PARVB: variants seen among roughly 807,000 people sequenced by gnomAD.
PARVB encodes parvin beta, also known as beta-parvin.
In PARVB, 46 loss-of-function variants were observed where a neutral mutation model predicts 47.0. The observed-to-expected ratio is 0.98, with a 90% CI of 0.77 to 1.25. PARVB has a LOEUF of 1.25. Among genes scored for constraint, PARVB ranks in the 50% most tolerant of loss-of-function variants. The pLI is 0.00. For missense variants in PARVB, 473 were observed against 471.6 expected, an observed-to-expected ratio of 1.00 and a Z score of -0.03; for synonymous variants, 196 against 196.3, an observed-to-expected ratio of 1.00 and a Z score of 0.01.
chr22:44,059,430 T>C (rs1211205814), intron 1 of PARVB, among the ~76,000 whole-genome samples: 1 of 152,214 alleles, frequency 6.6e-6, no homozygotes, highest in African/African-American at 2.4e-5. Flanking sequence ...TAAAACACCG[T>C]GAGGCTTGTG....
chr22:44,158,155 C>T (rs971395199), intron 11 of PARVB, 72 bp downstream of exon 11: 17 of 1,009,248 alleles, frequency 1.7e-5, no homozygotes, highest in South Asian at 1.5e-4. Flanking sequence ...TAGACTATCC[C>T]GGCAGCTCTT....
intron 1 of PARVB, among the ~76,000 whole-genome samples, chr22:44,039,431 C>G (rs1003215474): frequency 3.3e-5 from 5 of 151,922 alleles, no homozygotes; most frequent in Non-Finnish European, 5.9e-5. Flanking sequence ...ATCCCAGCTA[C>G]TTGGGAGGCT....
At chr22:44,063,466 A>G (rs1024214743) in intron 1 of PARVB, among the ~76,000 whole-genome samples, 2 of 152,090 alleles carry the variant, frequency 1.3e-5, no homozygotes, top group Non-Finnish European at 2.9e-5. Flanking sequence ...ACCTCAGGTG[A>G]TCCACCTGTC....
chr22:44,021,328 A>C (rs2050645641), upstream of PARVB, among the ~76,000 whole-genome samples: 1 of 152,164 alleles, frequency 6.6e-6, no homozygotes, highest in African/African-American at 2.4e-5. Flanking sequence ...GGCCAGCTCC[A>C]AGATGGAAAG....
intron 1 of PARVB, among the ~76,000 whole-genome samples, chr22:44,067,980 G>A (rs550222239): frequency 6.6e-6 from 1 of 152,162 alleles, no homozygotes; most frequent in African/African-American, 2.4e-5. Context: ...ATGGGAGAGG[G>A]GCACTAGTGC....
intron 3 of PARVB, among the ~76,000 whole-genome samples, chr22:44,116,933 C>A (rs2052919520): frequency 6.6e-6 from 1 of 151,978 alleles, no homozygotes; most frequent in Non-Finnish European, 1.5e-5. Flanking sequence ...GTGGCTGTGG[C>A]CCAGGGGCAA....
chr22:44,081,401 A>G (rs1231758465), intron 1 of PARVB, among the ~76,000 whole-genome samples: 3 of 152,212 alleles, frequency 2.0e-5, no homozygotes, highest in African/African-American at 4.8e-5. Context: ...GGCCTTTCCC[A>G]CATCCCCGTT....
chr22:44,018,611 T>C (rs1051232504), intron 2 of PARVB, among the ~76,000 whole-genome samples: 1 of 152,190 alleles, frequency 6.6e-6, no homozygotes, highest in African/African-American at 2.4e-5. Flanking sequence ...CATGTGACAC[T>C]GCCTGGGTGT....
rs768415616 is a variant in PARVB at position 44,164,351 on chromosome 22, G to T, written c.1018+421G>T. On this transcript the variant is annotated intron_variant, in intron 12 of 12. Transcript: ENST00000338758. ...GTAGCAGGGACTTGGCATGCTCTGC[G>T]TGGGTCGGAGCTGGAGGCAGGAGGC... is the stretch of plus-strand genomic sequence containing the variant. 3.9e-5 allele frequency among the ~76,000 whole-genome samples: 6 copies of T among 152,292 alleles called. No homozygotes were observed. In the East Asian group the frequency reaches 9.7e-4, roughly 25 times the overall value.
intron 10 of PARVB, among the ~76,000 whole-genome samples, chr22:44,154,913 G>C (rs1470605441): frequency 6.9e-6 from 1 of 145,432 alleles, no homozygotes; most frequent in African/African-American, 2.6e-5. Flanking sequence ...TGGTGTGTGT[G>C]TGGTTTATGC....
intron 1 of PARVB, among the ~76,000 whole-genome samples, chr22:44,062,540 G>A (rs894024616): frequency 6.6e-6 from 1 of 152,074 alleles, no homozygotes; most frequent in Non-Finnish European, 1.5e-5. Context: ...GGGAGACTGA[G>A]GCAGGAGAAT....
rs1297430775 is a variant in PARVB at position 44,103,556 on chromosome 22, C to T, written c.273+3433C>T. The T allele has an allele frequency of 6.6e-6, 1 of 152,216 alleles. No homozygotes were observed. Among genetic ancestry groups the T allele is most frequent in the Non-Finnish European group, 1.5e-5 (1 of 68,050 alleles). 9.4% of individuals were successfully genotyped at this position (152,216 alleles called of 1,614,324 possible). A position where few individuals can be genotyped will look rare whatever the true frequency, so the allele number is the denominator to read the frequency against. On this transcript the variant is annotated intron_variant, in intron 3 of 12. Transcript: ENST00000338758. The surrounding 1 kb of genome is among the most constrained non-coding windows in gnomAD (Gnocchi z 4.6). ...CAGAATCATGGTCCCCAAAGATGAC[C>T]ATGTGATAATCCCTGGAGCCATTGA...
At chr22:44,056,949 CTGGGGGCTGAGCT>C (rs2051324296) in intron 1 of PARVB, among the ~76,000 whole-genome samples, 1 of 74,666 alleles carries the variant, frequency 1.3e-5, no homozygotes, top group African/African-American at 5.1e-5. Context: ...GGGGGTGGAG[CTGGGGGCTGAGCT>C]GGGGGTGGAG....
chr22:44,024,452 G>C lies in PARVB; in HGVS notation c.112+1G>C. ...GCCAGGAAGCGGAGGGCGCGCGAGG[G>C]TGAGTGCGCGCCCGCGCCCGCCGAC... On this transcript the variant is annotated splice_donor_variant, in intron 1 of 12. Coordinates refer to ENST00000338758, the MANE Select transcript of PARVB (RefSeq NM_013327.5). LOFTEE classifies it high-confidence loss of function. 8.5e-7 allele frequency: 1 copy of C among 1,173,094 alleles called. No individual in the cohort carries two copies. Among genetic ancestry groups the C allele is most frequent in the Non-Finnish European group, 1.1e-6 (1 of 946,580 alleles). 72.7% of individuals were successfully genotyped at this position (1,173,094 alleles called of 1,614,324 possible).
intron 1 of PARVB, among the ~76,000 whole-genome samples, chr22:44,034,234 C>T (rs2050874844): frequency 1.3e-5 from 2 of 148,148 alleles, no homozygotes; most frequent in South Asian, 4.4e-4. Context: ...ATTCTTTATA[C>T]ATATATATTT....
chr22:44,100,173 GCT>G (rs1431370473), intron 3 of PARVB, 50 bp downstream of exon 3: 1 of 1,461,946 alleles, frequency 6.8e-7, no homozygotes, highest in East Asian at 2.3e-5. Context: ...CGAGGACTTG[GCT>G]TTGGGGTTCA....
At chr22:44,122,776 C>T (rs187936278) in intron 4 of PARVB, among the ~76,000 whole-genome samples, 39 of 152,330 alleles carry the variant, frequency 2.6e-4, no homozygotes, top group African/African-American at 9.1e-4. Context: ...TTCTTTTACA[C>T]ACCCTGCTTG....
At chr22:44,164,253 A>T (rs139082) in intron 12 of PARVB, among the ~76,000 whole-genome samples, 66,102 of 152,084 alleles carry the variant, frequency 0.43, 14,858 homozygotes, top group African/African-American at 0.52. Flanking sequence ...CCTGAGAAGA[A>T]ATTAAAGGCT....
chr22:44,080,003 C>T (rs779443671), intron 1 of PARVB, among the ~76,000 whole-genome samples: 13 of 152,198 alleles, frequency 8.5e-5, no homozygotes, highest in African/African-American at 1.2e-4. Context: ...GAATGGCCCG[C>T]GGCAGCCTTA....
Sources: allele counts gnomAD v4.1 joint callset (sites outside exome capture counted in the v4.1 genomes callset), GRCh38; gene constraint gnomAD v4.1.1; non-coding constraint Gnocchi (gnomAD v3.1); transcripts MANE v1.5; gene names NCBI Gene and HGNC (gene_info 2026-07-23, HGNC 2026-07-21).